The following RBM28 variants were observed in gnomAD, a reference collection of about 807,000 sequenced individuals.
RBM28 encodes the protein RNA-binding protein 28.
RBM28 carries 78 observed loss-of-function variants against 98.3 expected under a neutral mutation model. That is an observed-to-expected ratio of 0.79 (90% CI 0.66 to 0.96). The LOEUF (loss-of-function observed/expected upper bound fraction) is 0.96, where lower values mean the gene tolerates loss of function less well. Among genes scored for constraint, RBM28 ranks in the 40% least tolerant of loss-of-function variants. RBM28 has a pLI of 0.00. For missense variants in RBM28, 838 were observed against 913.0 expected (o/e 0.92, Z 1.06); for synonymous variants, 306 against 330.9 (o/e 0.92, Z 0.82).
At chr7:128,325,458 T>G (rs1378309913) in intron 11 of RBM28, among the ~76,000 whole-genome samples, 1 of 152,170 alleles carries the variant, frequency 6.6e-6, no homozygotes, top group Non-Finnish European at 1.5e-5. Flanking sequence ...CCCACACACA[T>G]TCTCTCTCAA....
intron 9 of RBM28, 46 bp from the exon 10 acceptor site, chr7:128,330,974 G>A (rs764700237): frequency 2.9e-5 from 36 of 1,253,610 alleles, no homozygotes; most frequent in Middle Eastern, 1.9e-4. Context: ...AATTACATAA[G>A]TGAGATCCTA....
Position 128,335,861 on chromosome 7 carries a change from C to T in RBM28, c.795G>A (p.Val265=). The change falls in exon 7 of 19, where the codon GTG becomes GTA. Residue 265 remains valine, a synonymous_variant. Transcript: ENST00000223073. ...ENIESKVTKP[V]QIQKRAVKRP... is the part of the protein sequence containing the mutation. ...GAGCTGCTTACCTCTTCTGAATTTGCACAGGCTTGGTCACCTTTGATTCTA... is the reference window on the plus strand; with the variant it reads ...GAGCTGCTTACCTCTTCTGAATTTGTACAGGCTTGGTCACCTTTGATTCTA... The T allele has an allele frequency of 6.2e-7, 1 of 1,614,142 alleles. No individual in the cohort carries two copies. Among genetic ancestry groups the T allele is most frequent in the South Asian group, 1.1e-5 (1 of 91,088 alleles).
At chr7:128,342,681 TAA>T (rs879672091) in intron 1 of RBM28, among the ~76,000 whole-genome samples, 2 of 144,194 alleles carry the variant, frequency 1.4e-5, no homozygotes, top group Non-Finnish European at 3.1e-5. Flanking sequence ...ACGCAGTCTT[TAA>T]AAAAAAAAAA....
Position 128,321,375 on chromosome 7 carries a change from G to T in RBM28, c.1454C>A (p.Ser485Tyr). The stretch of plus-strand genomic sequence containing the variant: ...ATTGTGCAGGCAGAGCCTGGTTCGG[G>T]AGACAAAGATATTCTGGTCCTTGAG... ...QKLKDQNIFV[S>Y]RTRLCLHNLP... Residue 485 changes from serine (S) to tyrosine (Y), a missense_variant, in exon 14 of 19, where the codon TCC becomes TAC. By Grantham distance (144) the Ser-to-Tyr change is moderately radical. Transcript: ENST00000223073. 1.2e-6 allele frequency: 2 copies of T among 1,614,208 alleles called. No individual in the cohort carries two copies. Among genetic ancestry groups the T allele is most frequent in the Non-Finnish European group, 1.7e-6 (2 of 1,180,034 alleles).
chr7:128,318,839 G>GA (rs918398511), intron 14 of RBM28, among the ~76,000 whole-genome samples: 1 of 152,132 alleles, frequency 6.6e-6, no homozygotes, highest in African/African-American at 2.4e-5. Context: ...TCTTACAACT[G>GA]AAAAAAGCCC....
In RBM28 at chr7:128,335,590, T is replaced by A. The variant is rs1796578683; in HGVS notation, c.899A>T (p.Glu300Val). 1 of 1,614,214 alleles carries A rather than the reference T, an allele frequency of 6.2e-7. No homozygotes were observed. Among genetic ancestry groups the A allele is most frequent in the East Asian group, 2.2e-5 (1 of 44,892 alleles). The change falls in exon 8 of 19, where the codon GAG becomes GTG. Residue 300 changes from glutamate (E) to valine (V), a missense_variant. Coordinates refer to ENST00000223073, the MANE Select transcript of RBM28 (RefSeq NM_018077.3). Reference protein sequence around the residue: ...LEESDSIDDGEELAQSDTSTE... With the variant: ...LEESDSIDDGVELAQSDTSTE... Reference sequence around the variant, plus strand: ...GCTGGTATCACTCTGAGCCAGTTCCTCTCCATCATCAATACTATCGCTTTC... The same window carrying A: ...GCTGGTATCACTCTGAGCCAGTTCCACTCCATCATCAATACTATCGCTTTC...
At chr7:128,313,330 A>G (rs1796028889) in intron 17 of RBM28, 56 bp from the exon 18 acceptor site, 1 of 1,528,822 alleles carries the variant, frequency 6.5e-7, no homozygotes, top group Non-Finnish European at 9.1e-7. Context: ...TGACACCCCT[A>G]GGTTCTCTTT....
intron 16 of RBM28, among the ~76,000 whole-genome samples, chr7:128,316,437 T>G (rs1273213580): frequency 6.6e-6 from 1 of 152,208 alleles, no homozygotes; most frequent in Non-Finnish European, 1.5e-5. Flanking sequence ...TAGGCTGGGC[T>G]CAGTGACTCA....
At chr7:128,334,335 A>G (rs1796550548) in intron 8 of RBM28, among the ~76,000 whole-genome samples, 1 of 152,186 alleles carries the variant, frequency 6.6e-6, no homozygotes, top group South Asian at 2.1e-4. Context: ...TATCATTATC[A>G]TTTATCTGTC....
chr7:128,338,411 T>G (rs1315082972), intron 4 of RBM28, 69 bp from the exon 5 acceptor site: 2 of 1,329,336 alleles, frequency 1.5e-6, no homozygotes, highest in Non-Finnish European at 2.2e-6. Context: ...AGAAGTAAAT[T>G]ACTGCAATTC....
At chr7:128,323,683 T>C in intron 12 of RBM28, 92 bp from the exon 13 acceptor site, 3 of 1,449,112 alleles carry the variant, frequency 2.1e-6, no homozygotes, top group Non-Finnish European at 2.9e-6. Context: ...AAACTCTTTG[T>C]ACAGGGCCCA....
rs1262756737 is a variant in RBM28, at chr7:128,343,767, G to A, written c.27C>T (p.Gly9=). Residue 9 remains glycine, a synonymous_variant, in exon 1 of 19, where the codon GGC becomes GGT. Transcript: ENST00000223073. The part of the protein sequence containing the change: MAGLTLFV[G]RLPPSARSEQ... ...CACTGCGGGCCGAGGGCGGGAGGCGGCCCACAAATAAGGTCAGGCCGGCCA... is the reference window on the plus strand; with the variant it reads ...CACTGCGGGCCGAGGGCGGGAGGCGACCCACAAATAAGGTCAGGCCGGCCA... 6.2e-7 allele frequency: 1 copy of A among 1,608,820 alleles called. No homozygotes were observed.
At chr7:128,319,424 C>A (rs1292856224) in intron 14 of RBM28, among the ~76,000 whole-genome samples, 1 of 152,186 alleles carries the variant, frequency 6.6e-6, no homozygotes, top group African/African-American at 2.4e-5. Context: ...GGAGAAATTA[C>A]ACAACTGTCC....
At chr7:128,323,333 C>A (rs1796276724) in intron 13 of RBM28, among the ~76,000 whole-genome samples, 194 bp downstream of exon 13, 1 of 152,198 alleles carries the variant, frequency 6.6e-6, no homozygotes, top group Non-Finnish European at 1.5e-5. Flanking sequence ...TACCAGCATA[C>A]AAAACAGATA....
chr7:128,320,967 A>C (rs544467156), intron 14 of RBM28, among the ~76,000 whole-genome samples: 1 of 152,334 alleles, frequency 6.6e-6, no homozygotes, highest in African/African-American at 2.4e-5. Flanking sequence ...GGAGTTCGAG[A>C]CCAGCCTGGC....
Position 128,310,865 on chromosome 7 carries a change from T to C in RBM28, c.2212A>G (p.Lys738Glu). The change falls in exon 19 of 19, where the codon AAG becomes GAG. Residue 738 changes from lysine (K) to glutamate (E), a missense_variant. Coordinates refer to ENST00000223073, the MANE Select transcript of RBM28 (RefSeq NM_018077.3). ...TRFNQLVEQYKQKLLGPSKGA... is the reference protein window; with the variant it reads ...TRFNQLVEQYEQKLLGPSKGA... ...TTAGAAGGTCCCAATAATTTCTGCTTATATTGTTCGACCAGCTGGTTGAAG... is the reference window on the plus strand; with the variant it reads ...TTAGAAGGTCCCAATAATTTCTGCTCATATTGTTCGACCAGCTGGTTGAAG... 6.2e-7 allele frequency: 1 copy of C among 1,614,098 alleles called. No homozygotes were observed. The highest frequency in any genetic ancestry group is 1.1e-5 in the South Asian group (1 of 91,072).
intron 17 of RBM28, 133 bp from the exon 18 acceptor site, chr7:128,313,407 C>G (rs1202591798): frequency 6.9e-6 from 6 of 865,802 alleles, no homozygotes; most frequent in Admixed American, 2.0e-5. Flanking sequence ...GCAACAGACC[C>G]TCTGAAAGCT....
chr7:128,318,134 T>C (rs529790399), intron 14 of RBM28, 28 bp from the exon 15 acceptor site: 7 of 1,590,460 alleles, frequency 4.4e-6, no homozygotes, highest in East Asian at 2.2e-5. Context: ...AAAAAATCAG[T>C]AATTACAGAA....
rs373033463 is a variant in RBM28, at chr7:128,298,059, G to GC, written c.*12737dup. The GC allele has an allele frequency of 3.4e-5, 1 of 29,114 alleles. No homozygotes were observed. The highest frequency in any genetic ancestry group is 3.9e-5 in the African/African-American group (1 of 25,366). The allele number at this position is 29,114 out of a possible 1,614,324, so 1.8% of individuals were successfully genotyped here. A position where few individuals can be genotyped will look rare whatever the true frequency, so the allele number is the denominator to read the frequency against. ...GCTAGATGACGAGTTAGTGGGTGCA[G>GC]CGACCAGCATGTCACATGTATACAT... On this transcript the variant is annotated 3_prime_UTR_variant, in exon 19 of 19. Coordinates refer to ENST00000223073, the MANE Select transcript of RBM28 (RefSeq NM_018077.3).
Sources: allele counts gnomAD v4.1 joint callset (sites outside exome capture counted in the v4.1 genomes callset), GRCh38; gene constraint gnomAD v4.1.1; transcripts MANE v1.5; gene names NCBI Gene and HGNC (gene_info 2026-07-23, HGNC 2026-07-21).